DGKI: variants seen among roughly 807,000 people sequenced by gnomAD.
DGKI encodes diacylglycerol kinase iota.
In DGKI, 55 loss-of-function variants were observed where a neutral mutation model predicts 147.5. That is an observed-to-expected ratio of 0.37 (90% confidence interval 0.30 to 0.47). The LOEUF (loss-of-function observed/expected upper bound fraction) is 0.47. Among genes scored for constraint, DGKI ranks in the 20% least tolerant of loss-of-function variants. The pLI is 1.00. For synonymous variants in DGKI, 469 were observed against 477.1 expected, an observed-to-expected ratio of 0.98 and a Z score of 0.22; for missense variants, 1,007 against 1,323.8, an observed-to-expected ratio of 0.76 and a Z score of 3.71.
At chr7:137,583,138 C>T (rs1819263896) in intron 14 of DGKI, among the ~76,000 whole-genome samples, 1 of 152,064 alleles carries the variant, frequency 6.6e-6, no homozygotes, top group Non-Finnish European at 1.5e-5. Flanking sequence ...ATTGGATTGG[C>T]TTGGTCTCTA....
intron 1 of DGKI, among the ~76,000 whole-genome samples, chr7:137,741,222 G>C (rs750194494): frequency 1.9e-4 from 29 of 152,012 alleles, no homozygotes; most frequent in Non-Finnish European, 8.8e-5. Flanking sequence ...ACATCTTCTT[G>C]ATTTTAATTA....
intron 20 of DGKI, among the ~76,000 whole-genome samples, chr7:137,532,058 T>A (rs1174121840): frequency 2.0e-5 from 3 of 150,640 alleles, no homozygotes; most frequent in African/African-American, 7.3e-5. Flanking sequence ...AGATTCAGAA[T>A]GTGTTATAAA....
At chr7:137,476,667 G>T (rs1418099360) in intron 23 of DGKI, among the ~76,000 whole-genome samples, 3 of 151,974 alleles carry the variant, frequency 2.0e-5, no homozygotes, top group Non-Finnish European at 4.4e-5. Context: ...TTTTCGTTTT[G>T]TTATTAAGAA....
At chr7:137,755,598 G>T (rs1397429620) in intron 1 of DGKI, among the ~76,000 whole-genome samples, 1 of 152,150 alleles carries the variant, frequency 6.6e-6, no homozygotes, top group Non-Finnish European at 1.5e-5. Flanking sequence ...GTCCTCATCT[G>T]AAAAATCTTG....
intron 1 of DGKI, among the ~76,000 whole-genome samples, chr7:137,724,410 A>C (rs1267039793): frequency 6.6e-6 from 1 of 152,234 alleles, no homozygotes; most frequent in Non-Finnish European, 1.5e-5. Context: ...TTAGTTTGAA[A>C]GGGGAGGGGT....
At chr7:137,604,742 AGGTCAC>A (rs1820113538) in intron 10 of DGKI, among the ~76,000 whole-genome samples, 1 of 152,184 alleles carries the variant, frequency 6.6e-6, no homozygotes, top group Admixed American at 6.5e-5. Context: ...GTTAAAGTCT[AGGTCAC>A]TGGAAGAGAA....
chr7:137,563,179 C>CA (rs143236237), intron 19 of DGKI, among the ~76,000 whole-genome samples: 7,825 of 151,690 alleles, frequency 0.052, 516 homozygotes, highest in African/African-American at 0.13. Flanking sequence ...TTCACAGATA[C>CA]AAAAAACCTT....
At chr7:137,406,584 G>A (rs1811955326) in intron 30 of DGKI, among the ~76,000 whole-genome samples, 1 of 152,066 alleles carries the variant, frequency 6.6e-6, no homozygotes, top group African/African-American at 2.4e-5. Flanking sequence ...ACAAAGCAAG[G>A]GGTGTCTAAC....
intron 21 of DGKI, among the ~76,000 whole-genome samples, chr7:137,489,949 G>C (rs1178774731): frequency 6.6e-6 from 1 of 152,064 alleles, no homozygotes; most frequent in Non-Finnish European, 1.5e-5. Flanking sequence ...GTATATTCAA[G>C]ATATGGAATC....
At chr7:137,672,916 C>T (rs554259462) in intron 3 of DGKI, among the ~76,000 whole-genome samples, 3 of 151,670 alleles carry the variant, frequency 2.0e-5, no homozygotes, top group Admixed American at 6.6e-5. Flanking sequence ...GTAATGCCGC[C>T]GGGATTGCAG....
intron 2 of DGKI, among the ~76,000 whole-genome samples, chr7:137,685,520 C>CATTTAAAAG (rs1585369669): frequency 6.6e-6 from 1 of 152,140 alleles, no homozygotes; most frequent in East Asian, 1.9e-4. Flanking sequence ...AAAGAAGATA[C>CATTTAAAAG]ACATTATCTG....
chr7:137,789,043 A>G (rs537383163), intron 1 of DGKI, among the ~76,000 whole-genome samples: 51 of 152,342 alleles, frequency 3.3e-4, no homozygotes, highest in African/African-American at 1.1e-3. Flanking sequence ...ATAATTTAAA[A>G]GGAGAAACAA....
At chr7:137,740,030 C>T (rs1795132838) in intron 1 of DGKI, among the ~76,000 whole-genome samples, 1 of 152,138 alleles carries the variant, frequency 6.6e-6, no homozygotes, top group Non-Finnish European at 1.5e-5. Context: ...ATCAACCTCA[C>T]TCTGTTGGAA....
intron 8 of DGKI, among the ~76,000 whole-genome samples, chr7:137,610,447 T>A (rs1299762827): frequency 6.6e-6 from 1 of 152,210 alleles, no homozygotes; most frequent in African/African-American, 2.4e-5. Context: ...GATACAGATG[T>A]TTTGAGAAGA....
At chr7:137,546,113 A>C (rs1374960048) in intron 20 of DGKI, among the ~76,000 whole-genome samples, 1 of 152,148 alleles carries the variant, frequency 6.6e-6, no homozygotes, top group Non-Finnish European at 1.5e-5. Flanking sequence ...GGAAAAGGAA[A>C]ACCAAGCCAG....
chr7:137,640,210 TTACACTGAAGTGAAATAA>T (rs1821575768), intron 6 of DGKI, among the ~76,000 whole-genome samples: 1 of 152,116 alleles, frequency 6.6e-6, no homozygotes, highest in Non-Finnish European at 1.5e-5. Context: ...CTATAGGATA[TTACACTGAAGTGAAATAA>T]GACACAGAAG....
chr7:137,558,304 G>A (rs1002159174), intron 19 of DGKI, among the ~76,000 whole-genome samples: 5 of 152,028 alleles, frequency 3.3e-5, no homozygotes, highest in Non-Finnish European at 5.9e-5. Flanking sequence ...GTTTGAGATG[G>A]AGTCTCACTC....
intron 1 of DGKI, among the ~76,000 whole-genome samples, chr7:137,742,206 C>T (rs544828923): frequency 6.6e-6 from 1 of 152,238 alleles, no homozygotes; most frequent in Non-Finnish European, 1.5e-5. Context: ...GAGGTTGTTC[C>T]CAAACTGATG....
intron 20 of DGKI, among the ~76,000 whole-genome samples, chr7:137,533,452 T>C (rs834077): frequency 0.1 from 15,775 of 152,136 alleles, 1,810 homozygotes; most frequent in African/African-American, 0.28. Flanking sequence ...TGAAAATAAT[T>C]TGGAGTGCCT....
Sources: allele counts gnomAD v4.1 joint callset (sites outside exome capture counted in the v4.1 genomes callset), GRCh38; gene constraint gnomAD v4.1.1; transcripts MANE v1.5; gene names NCBI Gene and HGNC (gene_info 2026-07-23, HGNC 2026-07-21).